Variants in EGFR observed in about 807,000 individuals in gnomAD.
The protein encoded by EGFR is avian erythroblastic leukemia viral (v-erb-b) oncogene homolog.
Under a neutral mutation model 143.0 loss-of-function variants are expected in EGFR, and 58 were observed. The observed-to-expected ratio is 0.41, with a 90% confidence interval of 0.33 to 0.50. The LOEUF is 0.50. EGFR is among the 20% of genes least tolerant of loss of function. EGFR has a pLI of 0.39. For synonymous variants in EGFR, 613 were observed against 594.4 expected, an observed-to-expected ratio of 1.03 and a Z score of -0.45; for missense variants, 1,307 against 1,579.0, an observed-to-expected ratio of 0.83 and a Z score of 2.92.
chr7:55,127,150 T>C (rs1391540110), intron 1 of EGFR, among the ~76,000 whole-genome samples: 2 of 152,148 alleles, frequency 1.3e-5, no homozygotes, highest in Non-Finnish European at 2.9e-5. Flanking sequence ...CAAATTGAGC[T>C]AGCATTTTTG....
intron 1 of EGFR, among the ~76,000 whole-genome samples, chr7:55,100,868 C>T (rs1272657764): frequency 6.6e-6 from 1 of 152,254 alleles, no homozygotes; most frequent in African/African-American, 2.4e-5. Flanking sequence ...TTGCCACTGC[C>T]AGAGGCAATA....
chr7:55,110,930 C>A (rs1022436660), intron 1 of EGFR, among the ~76,000 whole-genome samples: 4 of 152,160 alleles, frequency 2.6e-5, no homozygotes, highest in Non-Finnish European at 5.9e-5. Flanking sequence ...GATTCAAGTG[C>A]CTTCAGAAAA....
chr7:55,031,736 A>C (rs752768166), intron 1 of EGFR, among the ~76,000 whole-genome samples: 7 of 152,270 alleles, frequency 4.6e-5, no homozygotes, highest in Non-Finnish European at 1.0e-4. Flanking sequence ...TCACGAACTC[A>C]AGGCCTAAAT....
intron 1 of EGFR, among the ~76,000 whole-genome samples, chr7:55,095,585 A>G (rs1464487888): frequency 2.0e-5 from 3 of 152,204 alleles, no homozygotes; most frequent in Non-Finnish European, 2.9e-5. Flanking sequence ...AGAATTAATT[A>G]TAGACTCAAA....
intron 22 of EGFR, among the ~76,000 whole-genome samples, chr7:55,197,172 T>A (rs1787654770): frequency 1.3e-5 from 2 of 152,240 alleles, no homozygotes; most frequent in African/African-American, 4.8e-5. Flanking sequence ...GTTTGTGTCA[T>A]CTCTGATTTC....
At chr7:55,115,206 A>C (rs940385022) in intron 1 of EGFR, among the ~76,000 whole-genome samples, 10 of 152,202 alleles carry the variant, frequency 6.6e-5, no homozygotes, top group Non-Finnish European at 1.2e-4. Flanking sequence ...AAATACCATA[A>C]GTTAAAATAT....
intron 1 of EGFR, among the ~76,000 whole-genome samples, chr7:55,135,943 A>G (rs1053904262): frequency 5.3e-5 from 8 of 152,204 alleles, no homozygotes; most frequent in African/African-American, 1.9e-4. Context: ...GCATAAAGTA[A>G]TACATGGTCA....
intron 1 of EGFR, among the ~76,000 whole-genome samples, chr7:55,095,376 T>C (rs1791397520): frequency 6.6e-6 from 1 of 152,230 alleles, no homozygotes; most frequent in South Asian, 2.1e-4. Context: ...CAGTTATTAC[T>C]GTCATTGTCA....
chr7:55,070,533 A>G (rs771163310), intron 1 of EGFR, among the ~76,000 whole-genome samples: 1 of 152,246 alleles, frequency 6.6e-6, no homozygotes, highest in Non-Finnish European at 1.5e-5. Context: ...ACATGCGTAC[A>G]TAATAGCAGC....
At chr7:55,072,728 C>T (rs759503171) in intron 1 of EGFR, among the ~76,000 whole-genome samples, 2 of 152,128 alleles carry the variant, frequency 1.3e-5, no homozygotes, top group African/African-American at 4.8e-5. Flanking sequence ...ATATTGACGG[C>T]TGCTTTTAAC....
intron 1 of EGFR, among the ~76,000 whole-genome samples, chr7:55,127,421 T>A (rs979065327): frequency 6.6e-6 from 1 of 152,180 alleles, no homozygotes; most frequent in Non-Finnish European, 1.5e-5. Context: ...GTGGGAGGCA[T>A]CTATATCCTT....
At chr7:55,129,792 C>A (rs918174293) in intron 1 of EGFR, among the ~76,000 whole-genome samples, 2 of 152,046 alleles carry the variant, frequency 1.3e-5, no homozygotes, top group Non-Finnish European at 2.9e-5. Flanking sequence ...TGGAGTTTGG[C>A]CTTGGGGGAA....
At chr7:55,189,436 A>ATTCG (rs1388321599) in intron 20 of EGFR, among the ~76,000 whole-genome samples, 2 of 151,864 alleles carry the variant, frequency 1.3e-5, no homozygotes, top group African/African-American at 4.8e-5. Flanking sequence ...TCATTCATTC[A>ATTCG]TTCAGTTGTT....
intron 1 of EGFR, among the ~76,000 whole-genome samples, chr7:55,120,813 G>T (rs1793157189): frequency 6.6e-6 from 1 of 152,182 alleles, no homozygotes. Flanking sequence ...ACTGGTTACA[G>T]CACCTACAGT....
intron 15 of EGFR, among the ~76,000 whole-genome samples, chr7:55,170,056 T>G (rs1051957077): frequency 1.3e-5 from 2 of 152,180 alleles, no homozygotes; most frequent in African/African-American, 4.8e-5. Flanking sequence ...CGAGGTCTCC[T>G]GTATATTCCA....
Position 55,137,527 on chromosome 7 carries a change from G to A in EGFR, c.89-4759G>A, listed in dbSNP as rs1794212909. The stretch of plus-strand genomic sequence containing the variant: ...TTTAAAAACTTAAAGGAGGCAGATT[G>A]CTTTTATTTTCAGTTAAAATAAAGT... On this transcript the variant is annotated intron_variant, in intron 1 of 27. Coordinates refer to ENST00000275493, the MANE Select transcript of EGFR (RefSeq NM_005228.5). Among the ~76,000 whole-genome samples, 3 of 152,282 alleles carry A rather than the reference G, an allele frequency of 2.0e-5. No homozygotes were observed. In the South Asian group the frequency reaches 6.2e-4, roughly 32 times the overall value.
At chr7:55,191,557 T>A (rs983969454) in intron 20 of EGFR, among the ~76,000 whole-genome samples, 162 bp from the exon 21 acceptor site, 1 of 152,180 alleles carries the variant, frequency 6.6e-6, no homozygotes, top group Non-Finnish European at 1.5e-5. Context: ...TCTTCTTTCA[T>A]GCGCCTTTCC....
intron 1 of EGFR, among the ~76,000 whole-genome samples, chr7:55,099,022 G>T (rs548260330): frequency 6.6e-6 from 1 of 152,152 alleles, no homozygotes; most frequent in Non-Finnish European, 1.5e-5. Flanking sequence ...CTTCATAAAC[G>T]TCCATGTTTT....
chr7:55,123,618 A>T (rs898566475), intron 1 of EGFR, among the ~76,000 whole-genome samples: 3 of 152,046 alleles, frequency 2.0e-5, no homozygotes, highest in Admixed American at 1.3e-4. Context: ...TCCATCTCAC[A>T]TTTATCATAT....
Sources: allele counts gnomAD v4.1 joint callset (sites outside exome capture counted in the v4.1 genomes callset), GRCh38; gene constraint gnomAD v4.1.1; transcripts MANE v1.5; gene names NCBI Gene and HGNC (gene_info 2026-07-23, HGNC 2026-07-21).